The following SLC4A10 variants were observed in gnomAD, a reference collection of about 807,000 sequenced individuals.
SLC4A10 encodes solute carrier family 4 member 10.
A neutral mutation model predicts 137.7 loss-of-function variants in SLC4A10; 42 were observed. The observed-to-expected ratio is 0.30, with a 90% CI of 0.24 to 0.39. The LOEUF (loss-of-function observed/expected upper bound fraction) is 0.39, where lower values mean the gene tolerates loss of function less well. Ranked by LOEUF, SLC4A10 falls within the 10% of genes least tolerant of loss-of-function variation. The probability of loss-of-function intolerance (pLI) is 1.00; values close to 1 mark genes in which losing one functional copy is unlikely to be tolerated. For synonymous variants in SLC4A10, 474 were observed against 464.1 expected (o/e 1.02, Z -0.27); for missense variants, 925 against 1,355.0 (o/e 0.68, Z 4.98).
chr2:161,912,958 C>T (rs1271544065), intron 15 of SLC4A10, among the ~76,000 whole-genome samples: 1 of 151,990 alleles, frequency 6.6e-6, no homozygotes, highest in Non-Finnish European at 1.5e-5. Context: ...TAAAACGATA[C>T]CAGAATCCTG....
chr2:161,840,032 G>A (rs1371986443), intron 4 of SLC4A10, 105 bp downstream of exon 4: 2 of 1,395,262 alleles, frequency 1.4e-6, no homozygotes, highest in African/African-American at 2.8e-5. Flanking sequence ...GATTGCTGCT[G>A]ATTTTAGAAG....
intron 3 of SLC4A10, among the ~76,000 whole-genome samples, chr2:161,828,579 T>G (rs983581935): frequency 2.7e-5 from 4 of 147,396 alleles, no homozygotes; most frequent in African/African-American, 9.8e-5. Context: ...TACCATATAT[T>G]ATATATACAT....
chr2:161,669,689 C>G (rs541106227), intron 1 of SLC4A10, among the ~76,000 whole-genome samples: 1 of 151,866 alleles, frequency 6.6e-6, no homozygotes, highest in South Asian at 2.1e-4. Context: ...GATTAACCTT[C>G]GCTATTTATT....
chr2:161,764,026 C>T (rs2050538190), intron 1 of SLC4A10, among the ~76,000 whole-genome samples: 1 of 152,040 alleles, frequency 6.6e-6, no homozygotes, highest in Admixed American at 6.6e-5. Context: ...AAAAAATAAA[C>T]TGGCAAAAAT....
intron 4 of SLC4A10, among the ~76,000 whole-genome samples, chr2:161,850,561 C>G (rs1387457465): frequency 6.6e-6 from 1 of 151,904 alleles, no homozygotes; most frequent in Non-Finnish European, 1.5e-5. Context: ...GTAGTAATGT[C>G]TCCTTTGTTT....
rs553603986 is a variant in SLC4A10, at chr2:161,701,157, G to T, written c.49-69816G>T. Among the ~76,000 whole-genome samples the T allele has an allele frequency of 1.9e-4, 29 of 152,104 alleles. No homozygotes were observed. In the South Asian group the frequency reaches 5.8e-3, roughly 30 times the overall value. ...GATCCCAAGGGCAAAACCAGGATTTGAAATTGGTAGTGTGCCTCCATAGCC... is the reference window on the plus strand; with the variant it reads ...GATCCCAAGGGCAAAACCAGGATTTTAAATTGGTAGTGTGCCTCCATAGCC... On this transcript the variant is annotated intron_variant, in intron 1 of 26. Coordinates refer to ENST00000446997, the MANE Select transcript of SLC4A10 (RefSeq NM_001178015.2).
At chr2:161,744,058 A>G (rs1293189333) in intron 1 of SLC4A10, among the ~76,000 whole-genome samples, 1 of 152,120 alleles carries the variant, frequency 6.6e-6, no homozygotes, top group Non-Finnish European at 1.5e-5. Context: ...CTTTCCAAGT[A>G]TAAAATAATC....
chr2:161,958,414 T>C, intron 20 of SLC4A10, 73 bp from the exon 21 acceptor site: 1 of 1,299,902 alleles, frequency 7.7e-7, no homozygotes, highest in South Asian at 1.3e-5. Flanking sequence ...TCCCTGTTTT[T>C]TTCTTTGATA....
intron 2 of SLC4A10, among the ~76,000 whole-genome samples, chr2:161,788,768 T>C (rs919608962): frequency 7.2e-5 from 11 of 152,080 alleles, no homozygotes; most frequent in African/African-American, 2.7e-4. Flanking sequence ...TGCCATTCTG[T>C]GTTGGGATGG....
At chr2:161,782,296 A>G (rs1489217812) in intron 2 of SLC4A10, among the ~76,000 whole-genome samples, 1 of 152,070 alleles carries the variant, frequency 6.6e-6, no homozygotes. Context: ...GGGCTACAAG[A>G]AATACACAAG....
chr2:161,754,562 G>A (rs16846085), intron 1 of SLC4A10, among the ~76,000 whole-genome samples: 6,665 of 152,190 alleles, frequency 0.044, 235 homozygotes, highest in South Asian at 0.072. Context: ...ATAGGACAGT[G>A]GTGGCTAATT....
At chr2:161,744,663 A>C (rs1269877452) in intron 1 of SLC4A10, among the ~76,000 whole-genome samples, 1 of 152,168 alleles carries the variant, frequency 6.6e-6, no homozygotes, top group African/African-American at 2.4e-5. Context: ...AATGGATGAC[A>C]ACTTAACTCT....
chr2:161,694,215 A>G (rs931036889), intron 1 of SLC4A10, among the ~76,000 whole-genome samples: 1 of 152,044 alleles, frequency 6.6e-6, no homozygotes, highest in African/African-American at 2.4e-5. Flanking sequence ...AGAGGAACAA[A>G]TATTTGCATT....
rs772275338 is a variant in SLC4A10, at chr2:161,854,964, G to T, written c.417-6G>T. 4.3e-6 allele frequency: 7 copies of T among 1,611,152 alleles called. No homozygotes were observed. In the Middle Eastern group the frequency reaches 5.0e-4, roughly 114 times the overall value. On this transcript the variant is annotated splice_polypyrimidine_tract_variant and splice_region_variant and intron_variant, in intron 4 of 26. Coordinates refer to ENST00000446997, the MANE Select transcript of SLC4A10 (RefSeq NM_001178015.2). ...TAAACTGTGCTGATAATATTTGTTTGTATAGGTGGTTGAAGTTTGAAGAAG... is the reference window on the plus strand; with the variant it reads ...TAAACTGTGCTGATAATATTTGTTTTTATAGGTGGTTGAAGTTTGAAGAAG...
intron 1 of SLC4A10, among the ~76,000 whole-genome samples, chr2:161,704,727 A>T (rs1349297852): frequency 6.6e-6 from 1 of 151,582 alleles, no homozygotes; most frequent in Admixed American, 6.6e-5. Flanking sequence ...TTCCTTTATC[A>T]TTAACATCTT....
At chr2:161,631,161 T>C (rs1014115518) in intron 1 of SLC4A10, among the ~76,000 whole-genome samples, 8 of 151,688 alleles carry the variant, frequency 5.3e-5, no homozygotes, top group African/African-American at 1.9e-4. Context: ...TAGGAGTGAC[T>C]GCTAATAGGT....
At chr2:161,870,690 G>A (rs547157473) in intron 6 of SLC4A10, among the ~76,000 whole-genome samples, 23 of 151,906 alleles carry the variant, frequency 1.5e-4, no homozygotes, top group Admixed American at 1.2e-3. Context: ...TTGAATGGCT[G>A]CTAATGAACA....
intron 1 of SLC4A10, among the ~76,000 whole-genome samples, chr2:161,718,551 T>C (rs2045225514): frequency 6.6e-6 from 1 of 152,212 alleles, no homozygotes; most frequent in Non-Finnish European, 1.5e-5. Context: ...TTAATTATTT[T>C]ATTCACCCAG....
chr2:161,778,740 C>T (rs917394185), intron 2 of SLC4A10, among the ~76,000 whole-genome samples: 1 of 151,726 alleles, frequency 6.6e-6, no homozygotes, highest in African/African-American at 2.4e-5. Flanking sequence ...ATAATAAAAT[C>T]TTGGCCTGCA....
Sources: gnomAD v4.1 joint callset for allele counts (sites outside exome capture counted in the v4.1 genomes callset) on GRCh38, gnomAD v4.1.1 for gene constraint, MANE v1.5 for transcripts, NCBI Gene and HGNC (gene_info 2026-07-23, HGNC 2026-07-21) for gene names.